The following ECT2 variants were observed in gnomAD, a reference collection of about 807,000 sequenced individuals.
ECT2 encodes epithelial cell transforming 2.
ECT2 carries 61 observed loss-of-function variants against 116.9 expected under a neutral mutation model. That is an observed-to-expected ratio of 0.52 (90% CI 0.42 to 0.65). The LOEUF (loss-of-function observed/expected upper bound fraction) is 0.65. Ranked by LOEUF, ECT2 falls within the 30% of genes least tolerant of loss-of-function variation. The pLI is 0.00. For synonymous variants in ECT2, 358 were observed against 346.4 expected (o/e 1.03, Z -0.37); for missense variants, 937 against 1,078.7 (o/e 0.87, Z 1.84).
chr3:172,760,160 G>C lies in ECT2; in HGVS notation c.581G>C (p.Arg194Thr). 5 of 1,602,834 alleles carry C rather than the reference G, an allele frequency of 3.1e-6. No individual in the cohort carries two copies. Among genetic ancestry groups the C allele is most frequent in the Non-Finnish European group, 4.3e-6 (5 of 1,174,428 alleles). Residue 194 changes from arginine to threonine, a missense_variant, in exon 7 of 25, where the codon AGG becomes ACG. Physicochemically the swap from Arg to Thr is moderately conservative, Grantham distance 71. Transcript: ENST00000392692. ...TTGCTTAATTTTTCTTTTGAGGTCA[G>C]GTTGGTGACATTGGTCCATCACATG... ...TGFRKKEELV[R>T]LVTLVHHMGG...
intron 22 of ECT2, 79 bp from the exon 23 acceptor site, chr3:172,815,525 A>G (rs1729525253): frequency 1.2e-6 from 1 of 833,720 alleles, no homozygotes; most frequent in Non-Finnish European, 1.9e-6. Context: ...ATACTCCCAT[A>G]TATAAATATG....
chr3:172,764,288 C>G lies in ECT2; in HGVS notation c.1079C>G (p.Pro360Arg). Residue 360 changes from proline (P) to arginine (R), a missense_variant, in exon 12 of 25, where the codon CCT becomes CGT. Pro to Arg is a moderately radical substitution (Grantham distance 103). Transcript: ENST00000392692. The stretch of plus-strand genomic sequence containing the variant: ...TGCTTTTGATTACAGGCAAATACTC[C>G]TGAGCTCAAGAAATCAGTGTCAATG... ...TMYLYEKANT[P>R]ELKKSVSMLS... 6.2e-7 allele frequency: 1 copy of G among 1,614,010 alleles called. No homozygotes were observed. The highest frequency in any genetic ancestry group is 8.5e-7 in the Non-Finnish European group (1 of 1,179,910).
intron 14 of ECT2, among the ~76,000 whole-genome samples, chr3:172,779,424 G>A (rs1222536239): frequency 6.6e-6 from 1 of 151,946 alleles, no homozygotes; most frequent in Non-Finnish European, 1.5e-5. Flanking sequence ...GAACTTTACT[G>A]TAATTCTTAA....
Position 172,782,206 on chromosome 3 carries a change from G to A in ECT2, c.1592G>A (p.Ser531Asn), listed in dbSNP as rs146593737. 1.3e-3 allele frequency: 2,016 copies of A among 1,573,976 alleles called. 5 individuals are homozygous for A. The highest frequency in any genetic ancestry group is 1.5e-3 in the Non-Finnish European group (1,761 of 1,155,744). Reference protein sequence around the residue: ...DLIVNWDESKSIGDIFLKYSK... With the variant: ...DLIVNWDESKNIGDIFLKYSK... ...ATAGTTAATTGGGATGAGAGCAAAAGCATTGGTGACATTTTTCTGAAATAT... is the reference window on the plus strand; with the variant it reads ...ATAGTTAATTGGGATGAGAGCAAAAACATTGGTGACATTTTTCTGAAATAT... The change falls in exon 15 of 25, where the codon AGC becomes AAC. Residue 531 changes from serine (S) to asparagine (N), a missense_variant. By Grantham distance (46) the Ser-to-Asn change is conservative (BLOSUM62 1). Coordinates refer to ENST00000392692, the MANE Select transcript of ECT2 (RefSeq NM_001258315.2).
At chr3:172,765,144 CGTT>C (rs1489206882) in intron 12 of ECT2, among the ~76,000 whole-genome samples, 3 of 152,192 alleles carry the variant, frequency 2.0e-5, no homozygotes, top group African/African-American at 7.2e-5. Flanking sequence ...CCTTGATTCT[CGTT>C]GTCCTTTCAA....
chr3:172,798,927 G>C (rs1338781906), intron 18 of ECT2, among the ~76,000 whole-genome samples: 1 of 152,140 alleles, frequency 6.6e-6, no homozygotes, highest in Admixed American at 6.5e-5. Flanking sequence ...CTTACAGTGA[G>C]TAAATTAAAA....
chr3:172,786,477 C>G lies in ECT2; in HGVS notation c.1826-16C>G. The G allele has an allele frequency of 6.4e-7, 1 of 1,558,912 alleles. No individual in the cohort carries two copies. ...CTGAATTTTTTATGCATGGAAAAAA[C>G]ATTGTATTATTACAGATCTTAAGAA... On this transcript the variant is annotated splice_polypyrimidine_tract_variant and intron_variant, in intron 17 of 24. Coordinates refer to ENST00000392692, the MANE Select transcript of ECT2 (RefSeq NM_001258315.2).
At chr3:172,824,607 T>C (rs1177626959), downstream of ECT2, among the ~76,000 whole-genome samples, 1 of 152,182 alleles carries the variant, frequency 6.6e-6, no homozygotes, top group African/African-American at 2.4e-5. Flanking sequence ...CAATACACTT[T>C]TCTCTCCCCT....
rs1290502985 is a variant in ECT2, at chr3:172,755,319, G to T, written c.155G>T (p.Arg52Ile). The T allele has an allele frequency of 6.2e-7, 1 of 1,605,870 alleles. No individual in the cohort carries two copies. The highest frequency in any genetic ancestry group is 8.5e-7 in the Non-Finnish European group (1 of 1,178,112). Residue 52 changes from arginine (R) to isoleucine (I), a missense_variant, in exon 3 of 25, where the codon AGA becomes ATA. Arg to Ile is a moderately conservative substitution (Grantham distance 97). Transcript: ENST00000392692. ...GAAGAGATGCCTCAGATTGAAACAA[G>T]AGTGATATTGGTTCAAGAAGCTGGA... Reference protein sequence around the residue: ...VEEEMPQIETRVILVQEAGKQ... With the variant: ...VEEEMPQIETIVILVQEAGKQ...
Position 172,773,898 on chromosome 3 carries a change from T to C in ECT2, c.1429-5T>C, listed in dbSNP as rs758793254. ...CTACTTAAACTAGTCTTTTTTCTCA[T>C]TTAGTTATTTCAAGTACCATTGGAA... On this transcript the variant is annotated splice_polypyrimidine_tract_variant and splice_region_variant and intron_variant, in intron 13 of 24. Transcript: ENST00000392692. 6 of 1,612,426 alleles carry C rather than the reference T, an allele frequency of 3.7e-6. No individual in the cohort carries two copies. The African/African-American group carries it at 6.7e-5, about 18-fold the overall frequency.
chr3:172,753,586 C>T (rs1243285669), intron 1 of ECT2, among the ~76,000 whole-genome samples: 2 of 152,144 alleles, frequency 1.3e-5, no homozygotes, highest in African/African-American at 2.4e-5. Flanking sequence ...GACAAGGGAC[C>T]AGCCCAATTA....
At position 172,815,685 on chromosome 3, in the gene ECT2, A is replaced by T. The variant is rs1201389784; in HGVS notation, c.2482A>T (p.Arg828Ter). 2 of 1,603,004 alleles carry T rather than the reference A, an allele frequency of 1.2e-6. No homozygotes were observed. Among genetic ancestry groups the T allele is most frequent in the Non-Finnish European group, 1.7e-6 (2 of 1,175,548 alleles). ...DMDSTLSRASRAIKKTSKKVT... is the reference protein window; with the variant it reads ...DMDSTLSRAS The stretch of plus-strand genomic sequence containing the variant: ...GGACAGTACATTGAGTAGAGCATCA[A>T]GAGCAATAAAAAAGACTTCAAAAAA... The change falls in exon 23 of 25, where the codon AGA becomes TGA. Residue 828 changes from arginine to a stop codon, truncating the protein, a stop_gained. Coordinates refer to ENST00000392692, the MANE Select transcript of ECT2 (RefSeq NM_001258315.2). LOFTEE classifies it high-confidence loss of function.
chr3:172,797,219 G>C, intron 18 of ECT2, among the ~76,000 whole-genome samples: 1 of 143,002 alleles, frequency 7.0e-6, no homozygotes, highest in Middle Eastern at 3.5e-3. Context: ...TTTTTTTTTA[G>C]AGATGTGCTT....
intron 14 of ECT2, 120 bp downstream of exon 14, chr3:172,774,142 A>C: frequency 1.2e-6 from 1 of 862,412 alleles, no homozygotes. Context: ...TTATTCCCTT[A>C]TTAGTTCCTT....
At chr3:172,780,144 A>G (rs1722431004) in intron 14 of ECT2, among the ~76,000 whole-genome samples, 1 of 152,132 alleles carries the variant, frequency 6.6e-6, no homozygotes, top group South Asian at 2.1e-4. Context: ...GATACTATGT[A>G]TATATACATA....
downstream of ECT2, among the ~76,000 whole-genome samples, chr3:172,823,148 T>G (rs1445193121): frequency 6.6e-6 from 1 of 152,138 alleles, no homozygotes; most frequent in African/African-American, 2.4e-5. Context: ...TTTCATCAAT[T>G]TAACCAATAC....
At position 172,755,472 on chromosome 3, in the gene ECT2, CT is replaced by C; in HGVS notation, c.211-7del. On this transcript the variant is annotated splice_polypyrimidine_tract_variant and intron_variant, in intron 3 of 24. Transcript: ENST00000392692. The stretch of plus-strand genomic sequence containing the variant: ...CTTTCTTAACCTCATACTTAAGTCT[CT>C]TTTCCACAGACTATTAAAATAATGG... The C allele has an allele frequency of 6.7e-7, 1 of 1,496,394 alleles. No individual in the cohort carries two copies. 92.7% of individuals were successfully genotyped at this position (1,496,394 alleles called of 1,614,324 possible). A position where few individuals can be genotyped will look rare whatever the true frequency, so the allele number is the denominator to read the frequency against.
chr3:172,757,440 G>A lies in ECT2; in HGVS notation c.486+275G>A, dbSNP rs149116858. Among the ~76,000 whole-genome samples the A allele has an allele frequency of 6.7e-3, 835 of 124,316 alleles. 8 individuals carry two copies. Among genetic ancestry groups the A allele is most frequent in the African/African-American group, 0.023 (775 of 33,746 alleles). The allele number at this position is 124,316 out of a possible 152,430, so 81.6% of individuals were successfully genotyped here. On this transcript the variant is annotated intron_variant, in intron 5 of 24. Transcript: ENST00000392692. ...CTTTTTTTTTTTTTTTTTTTGAGAC[G>A]GAGTCTTGCTCTGTGCCCAGGCTGG... is the stretch of plus-strand genomic sequence containing the variant.
rs1467292066 is a variant in ECT2, at chr3:172,755,463, C to CTT, written c.211-19_211-18dup. 1 of 1,488,516 alleles carries CTT rather than the reference C, an allele frequency of 6.7e-7. No individual in the cohort carries two copies. Among genetic ancestry groups the CTT allele is most frequent in the Non-Finnish European group, 9.1e-7 (1 of 1,103,758 alleles). 92.2% of individuals were successfully genotyped at this position (1,488,516 alleles called of 1,614,324 possible). On this transcript the variant is annotated intron_variant, in intron 3 of 24. Transcript: ENST00000392692. ...GTTTCATAGCTTTCTTAACCTCATA[C>CTT]TTAAGTCTCTTTTCCACAGACTATT...
Sources: allele counts gnomAD v4.1 joint callset (sites outside exome capture counted in the v4.1 genomes callset), GRCh38; gene constraint gnomAD v4.1.1; transcripts MANE v1.5; gene names NCBI Gene and HGNC (gene_info 2026-07-23, HGNC 2026-07-21).